HELZ: variants seen among roughly 807,000 people sequenced by gnomAD.
The protein encoded by HELZ is helicase with zinc finger.
HELZ carries 23 observed loss-of-function variants against 218.2 expected under a neutral mutation model. The ratio of observed to expected loss-of-function variants is 0.11; its 90% confidence interval spans 0.08 to 0.15. The LOEUF (loss-of-function observed/expected upper bound fraction) is 0.15. Among genes scored for constraint, HELZ ranks in the 10% least tolerant of loss-of-function variants. HELZ has a pLI of 1.00. For missense variants in HELZ, 1,813 were observed against 2,353.7 expected (o/e 0.77, Z 4.75); for synonymous variants, 814 against 829.4 (o/e 0.98, Z 0.32).
At chr17:67,081,948 CA>C (rs2036207873) in intron 32 of HELZ, among the ~76,000 whole-genome samples, 2 of 151,892 alleles carry the variant, frequency 1.3e-5, no homozygotes, top group Admixed American at 6.6e-5. Context: ...GACCAATTTA[CA>C]AGGAAAAGCA....
Position 67,195,425 on chromosome 17 carries a change from C to G in HELZ, c.475G>C (p.Asp159His). The G allele has an allele frequency of 6.3e-7, 1 of 1,598,634 alleles. No individual in the cohort carries two copies. Among genetic ancestry groups the G allele is most frequent in the South Asian group, 1.1e-5 (1 of 90,592 alleles). Residue 159 changes from aspartate (D) to histidine (H), a missense_variant, in exon 8 of 33, where the codon GAT becomes CAT. By Grantham distance (81) the Asp-to-His change is moderately conservative. Transcript: ENST00000358691. The part of the protein sequence containing the change: ...ALSGYHVEDL[D>H]EGSCNGWHFR... The stretch of plus-strand genomic sequence containing the variant: ...CACAGCATTTGGCACTTACCCTCAT[C>G]TAAGTCTTCCACGTGATATCCAGAG...
intron 3 of HELZ, among the ~76,000 whole-genome samples, chr17:67,236,576 C>A (rs117465773): frequency 6.6e-6 from 1 of 151,646 alleles, no homozygotes; most frequent in Non-Finnish European, 1.5e-5. Flanking sequence ...ATTTTTGCAG[C>A]CTTTCAATAT....
chr17:67,113,761 CA>C (rs2037351726), intron 28 of HELZ, among the ~76,000 whole-genome samples: 1 of 152,134 alleles, frequency 6.6e-6, no homozygotes, highest in Admixed American at 6.5e-5. Flanking sequence ...GACAACTGGG[CA>C]AAGGAAGTGA....
intron 7 of HELZ, among the ~76,000 whole-genome samples, chr17:67,199,307 G>A (rs1482121256): frequency 1.3e-5 from 2 of 150,850 alleles, no homozygotes; most frequent in African/African-American, 4.9e-5. Flanking sequence ...CCGCCTCCTG[G>A]GTTCAAGCCA....
At chr17:67,141,470 G>T (rs2038322381) in intron 21 of HELZ, among the ~76,000 whole-genome samples, 1 of 151,610 alleles carries the variant, frequency 6.6e-6, no homozygotes, top group African/African-American at 2.4e-5. Context: ...TATTGAGTTT[G>T]TTATATATAG....
chr17:67,145,437 C>T (rs1423758542), intron 21 of HELZ, among the ~76,000 whole-genome samples: 1 of 152,154 alleles, frequency 6.6e-6, no homozygotes, highest in African/African-American at 2.4e-5. Flanking sequence ...AAAACTTACT[C>T]AGAGTCTATT....
At chr17:67,097,816 T>C (rs2036796175) in intron 31 of HELZ, among the ~76,000 whole-genome samples, 1 of 152,232 alleles carries the variant, frequency 6.6e-6, no homozygotes, top group Admixed American at 6.5e-5. Context: ...GACCCACAAC[T>C]ATTTGAATTT....
chr17:67,204,712 A>G (rs549688635), intron 5 of HELZ, among the ~76,000 whole-genome samples: 7 of 152,262 alleles, frequency 4.6e-5, no homozygotes, highest in African/African-American at 1.4e-4. Flanking sequence ...AATTATTTTT[A>G]GTTTGGACGA....
chr17:67,200,561 A>G (rs1326322585), intron 7 of HELZ: 1 of 152,248 alleles, frequency 6.6e-6, no homozygotes, highest in East Asian at 1.9e-4. Flanking sequence ...GCAAAACTCC[A>G]TCTCTACCAA....
intron 24 of HELZ, among the ~76,000 whole-genome samples, chr17:67,127,440 A>G (rs550571599): frequency 7.9e-5 from 12 of 152,356 alleles, no homozygotes; most frequent in African/African-American, 2.6e-4. Flanking sequence ...CATTTTTATT[A>G]AACTAAGAAT....
chr17:67,109,393 C>T lies in HELZ; in HGVS notation c.4212G>A (p.Gln1404=). The change falls in exon 29 of 33, where the codon CAG becomes CAA. Residue 1404 remains glutamine, a synonymous_variant. Coordinates refer to ENST00000358691, the MANE Select transcript of HELZ (RefSeq NM_014877.4). ...GAGGCTGCTGATTCAACTGACTTTG[C>T]TGCTGGACTACCTGATTTGGCTGAG... ...IPPQPNQVVQ[Q]QSQLNQQPQQ... is the part of the protein sequence containing the mutation. 2 of 1,614,160 alleles carry T rather than the reference C, an allele frequency of 1.2e-6. No homozygotes were observed. Among genetic ancestry groups the T allele is most frequent in the Non-Finnish European group, 1.7e-6 (2 of 1,180,038 alleles).
At chr17:67,126,883 A>C (rs1432807957) in intron 24 of HELZ, among the ~76,000 whole-genome samples, 1 of 150,254 alleles carries the variant, frequency 6.7e-6, no homozygotes, top group East Asian at 1.9e-4. Flanking sequence ...AGTAATAATA[A>C]TGTAGCACTA....
chr17:67,189,025 G>A (rs1411282832), intron 11 of HELZ, among the ~76,000 whole-genome samples: 2 of 152,092 alleles, frequency 1.3e-5, no homozygotes, highest in African/African-American at 4.8e-5. Flanking sequence ...TTCATCTCCA[G>A]ATACAGAAAG....
intron 21 of HELZ, 96 bp downstream of exon 21, chr17:67,145,647 A>C (rs2038470567): frequency 3.4e-6 from 3 of 877,262 alleles, no homozygotes; most frequent in Non-Finnish European, 5.4e-6. Flanking sequence ...GTCAATATGC[A>C]ATACAATGTC....
At chr17:67,189,808 G>C in intron 10 of HELZ, 112 bp from the exon 11 acceptor site, 2 of 707,300 alleles carry the variant, frequency 2.8e-6, no homozygotes, top group South Asian at 1.8e-5. Flanking sequence ...ACTGTTTACA[G>C]ACCAAAGTAT....
intron 3 of HELZ, among the ~76,000 whole-genome samples, chr17:67,229,847 CATA>C (rs2040988980): frequency 6.6e-6 from 1 of 152,182 alleles, no homozygotes; most frequent in Admixed American, 6.5e-5. Context: ...TTCTCTAAAA[CATA>C]AAATCACTGA....
At chr17:67,242,194 T>C (rs2041330556) in intron 2 of HELZ, among the ~76,000 whole-genome samples, 1 of 152,164 alleles carries the variant, frequency 6.6e-6, no homozygotes, top group Non-Finnish European at 1.5e-5. Flanking sequence ...GGCGGGCAGA[T>C]CACCTGAGGT....
intron 3 of HELZ, among the ~76,000 whole-genome samples, chr17:67,221,794 T>G (rs560127576): frequency 6.6e-6 from 1 of 152,138 alleles, no homozygotes; most frequent in Non-Finnish European, 1.5e-5. Context: ...AAATTCCTTA[T>G]TTTCACTTTA....
At chr17:67,149,219 T>C (rs2144035718) in intron 19 of HELZ, among the ~76,000 whole-genome samples, 1 of 152,284 alleles carries the variant, frequency 6.6e-6, no homozygotes, top group Non-Finnish European at 1.5e-5. Context: ...TAAACTACTT[T>C]AGGCAAAGAA....
Sources: gnomAD v4.1 joint callset for allele counts (sites outside exome capture counted in the v4.1 genomes callset) on GRCh38, gnomAD v4.1.1 for gene constraint, MANE v1.5 for transcripts, NCBI Gene and HGNC (gene_info 2026-07-23, HGNC 2026-07-21) for gene names.